The following DLG2 variants were observed in gnomAD, a reference collection of about 807,000 sequenced individuals.
DLG2 encodes discs large MAGUK scaffold protein 2, also known as disks large homolog 2.
In DLG2, 45 loss-of-function variants were observed where a neutral mutation model predicts 132.5. The ratio of observed to expected loss-of-function variants is 0.34; its 90% CI spans 0.27 to 0.44. DLG2 has a LOEUF of 0.44. Among genes scored for constraint, DLG2 ranks in the 20% least tolerant of loss-of-function variants. DLG2 has a pLI of 1.00. For synonymous variants in DLG2, 424 were observed against 419.6 expected (o/e 1.01, Z -0.13); for missense variants, 1,045 against 1,196.9 (o/e 0.87, Z 1.87).
intron 15 of DLG2, among the ~76,000 whole-genome samples, chr11:83,895,401 C>T (rs1015184926): frequency 2.6e-5 from 4 of 152,124 alleles, no homozygotes; most frequent in African/African-American, 9.7e-5. Context: ...CTCAGGTGAT[C>T]CGCCCGCCTC....
At chr11:85,462,920 A>G (rs1437464563) in intron 3 of DLG2, among the ~76,000 whole-genome samples, 1 of 152,172 alleles carries the variant, frequency 6.6e-6, no homozygotes, top group African/African-American at 2.4e-5. Context: ...GTTAAAATCA[A>G]TGTCCTTATA....
chr11:85,411,418 T>C lies in DLG2; in HGVS notation c.41-126053A>G, dbSNP rs114263968. ...TAGACATTATAAGAGAGGGTACTAG[T>C]TGGGATATTGAATTCTCAAATTGCT... is the stretch of plus-strand genomic sequence containing the variant. On this transcript the variant is annotated intron_variant, in intron 3 of 27. Coordinates refer to ENST00000376104, the MANE Select transcript of DLG2 (RefSeq NM_001142699.3). 2.9e-3 allele frequency among the ~76,000 whole-genome samples: 442 copies of C among 151,970 alleles called. 1 individual carries two copies. The highest frequency in any genetic ancestry group is 0.01 in the African/African-American group (429 of 41,516).
chr11:83,878,759 A>C (rs1245608295), intron 15 of DLG2, among the ~76,000 whole-genome samples: 2 of 152,294 alleles, frequency 1.3e-5, no homozygotes, highest in South Asian at 2.1e-4. Flanking sequence ...AGGGAGGCTC[A>C]GCATCATGCT....
At chr11:85,509,329 A>C (rs2094005253) in intron 3 of DLG2, among the ~76,000 whole-genome samples, 1 of 152,108 alleles carries the variant, frequency 6.6e-6, no homozygotes, top group Admixed American at 6.6e-5. Flanking sequence ...GGCTAATCTC[A>C]TAAAAGCTAT....
intron 3 of DLG2, among the ~76,000 whole-genome samples, chr11:85,296,024 A>T (rs185674986): frequency 7.9e-5 from 12 of 152,280 alleles, no homozygotes; most frequent in Admixed American, 7.9e-4. Flanking sequence ...GGCCTCTCAG[A>T]TTTGCTTTTT....
chr11:84,216,285 C>G (rs182226347), intron 8 of DLG2, among the ~76,000 whole-genome samples: 3 of 151,986 alleles, frequency 2.0e-5, no homozygotes, highest in Non-Finnish European at 4.4e-5. Context: ...ACAGTGAATC[C>G]CCCCAGAAAA....
intron 6 of DLG2, among the ~76,000 whole-genome samples, chr11:84,569,594 A>G (rs2099472263): frequency 6.6e-6 from 1 of 152,234 alleles, no homozygotes; most frequent in South Asian, 2.1e-4. Flanking sequence ...GACTAAACTG[A>G]AAAATTCATT....
intron 6 of DLG2, among the ~76,000 whole-genome samples, chr11:84,674,528 A>C (rs1489930339): frequency 1.3e-5 from 2 of 152,084 alleles, no homozygotes; most frequent in Non-Finnish European, 2.9e-5. Context: ...TTAGCTCCTT[A>C]TTAACTTATA....
At chr11:85,204,409 A>C (rs2081712226) in intron 4 of DLG2, among the ~76,000 whole-genome samples, 1 of 152,168 alleles carries the variant, frequency 6.6e-6, no homozygotes, top group African/African-American at 2.4e-5. Flanking sequence ...CTGAAAAAGA[A>C]ACCAAGAAGG....
intron 7 of DLG2, among the ~76,000 whole-genome samples, chr11:84,391,729 T>G (rs1278579197): frequency 1.3e-5 from 2 of 152,114 alleles, no homozygotes; most frequent in Non-Finnish European, 2.9e-5. Context: ...ATGCTGATTA[T>G]TTTCCCTCGA....
chr11:84,205,619 T>TA (rs1226636921), intron 8 of DLG2, among the ~76,000 whole-genome samples: 2 of 151,726 alleles, frequency 1.3e-5, no homozygotes, highest in Non-Finnish European at 2.9e-5. Context: ...TAAAAGATCA[T>TA]AAAGAAAATA....
At chr11:84,227,714 G>A (rs1048200639) in intron 8 of DLG2, among the ~76,000 whole-genome samples, 8 of 152,150 alleles carry the variant, frequency 5.3e-5, no homozygotes, top group South Asian at 2.1e-4. Context: ...AAGGTCAGGA[G>A]ACCACCCTGG....
chr11:84,257,246 A>T (rs568103666), intron 7 of DLG2, among the ~76,000 whole-genome samples: 3 of 152,104 alleles, frequency 2.0e-5, no homozygotes, highest in African/African-American at 7.2e-5. Context: ...TTGGAACGAA[A>T]CTCTGTCTTT....
chr11:84,670,825 A>G (rs932314876), intron 6 of DLG2, among the ~76,000 whole-genome samples: 2 of 150,226 alleles, frequency 1.3e-5, no homozygotes, highest in African/African-American at 5.1e-5. Context: ...CTCATAGTCC[A>G]AAGCACCATT....
At chr11:83,587,521 T>G (rs934815504) in intron 19 of DLG2, among the ~76,000 whole-genome samples, 6 of 152,300 alleles carry the variant, frequency 3.9e-5, no homozygotes, top group African/African-American at 1.4e-4. Context: ...TCTGTTCTCC[T>G]TGGTCTACCA....
chr11:85,436,255 G>T (rs902814833), intron 3 of DLG2, among the ~76,000 whole-genome samples: 1 of 152,024 alleles, frequency 6.6e-6, no homozygotes, highest in Non-Finnish European at 1.5e-5. Context: ...CATGGGCAAA[G>T]ATTTTATTAT....
At chr11:84,054,360 C>A (rs1228870254) in intron 11 of DLG2, among the ~76,000 whole-genome samples, 1 of 152,014 alleles carries the variant, frequency 6.6e-6, no homozygotes, top group Non-Finnish European at 1.5e-5. Context: ...ATACACACTT[C>A]AGATTTCCTT....
chr11:83,932,362 G>A (rs965522147), intron 14 of DLG2, among the ~76,000 whole-genome samples: 2 of 151,910 alleles, frequency 1.3e-5, no homozygotes, highest in Non-Finnish European at 2.9e-5. Context: ...AGCCTCCCGA[G>A]AAGCTGGGAC....
chr11:83,663,642 C>G (rs1373231308), intron 18 of DLG2, among the ~76,000 whole-genome samples: 1 of 152,174 alleles, frequency 6.6e-6, no homozygotes, highest in African/African-American at 2.4e-5. Context: ...CCAGACATTC[C>G]TTTGCAGATT....
Sources: allele counts gnomAD v4.1 joint callset (sites outside exome capture counted in the v4.1 genomes callset), GRCh38; gene constraint gnomAD v4.1.1; transcripts MANE v1.5; gene names NCBI Gene and HGNC (gene_info 2026-07-23, HGNC 2026-07-21).